VAC14: variants seen among roughly 807,000 people sequenced by gnomAD.
VAC14 encodes the protein protein VAC14 homolog.
In VAC14, 47 loss-of-function variants were observed where a neutral mutation model predicts 85.3. That is an observed-to-expected ratio of 0.55 (90% CI 0.44 to 0.70). The LOEUF (loss-of-function observed/expected upper bound fraction) is 0.70, where lower values mean the gene tolerates loss of function less well. VAC14 is among the 30% of genes least tolerant of loss of function. The pLI, the probability that VAC14 is intolerant of heterozygous loss-of-function variation, is 0.00. For missense variants in VAC14, 861 were observed against 1,004.3 expected (o/e 0.86, Z 1.93); for synonymous variants, 447 against 430.5 (o/e 1.04, Z -0.47).
intron 10 of VAC14, chr16:70,766,315 C>T (rs998678092): frequency 2.7e-6 from 1 of 365,004 alleles, no homozygotes; most frequent in Non-Finnish European, 5.5e-6. Context: ...TAAGATGCTG[C>T]TGGCCAGCCT....
At chr16:70,723,820 G>T (rs2054354751) in intron 14 of VAC14, among the ~76,000 whole-genome samples, 2 of 152,240 alleles carry the variant, frequency 1.3e-5, no homozygotes, top group South Asian at 4.1e-4. Context: ...AACCTGATGA[G>T]GGGTCTGACC....
chr16:70,737,893 G>A (rs933857986), intron 13 of VAC14, among the ~76,000 whole-genome samples: 1 of 152,258 alleles, frequency 6.6e-6, no homozygotes, highest in South Asian at 2.1e-4. Flanking sequence ...AGGCCCAGCA[G>A]GGTCCCTGCT....
chr16:70,769,743 A>G (rs974524564), intron 10 of VAC14: 1 of 152,282 alleles, frequency 6.6e-6, no homozygotes, highest in Non-Finnish European at 1.5e-5. Flanking sequence ...AGCCGACAGT[A>G]GCACAGTCTC....
At chr16:70,717,926 T>C (rs2054202215) in intron 14 of VAC14, among the ~76,000 whole-genome samples, 1 of 152,246 alleles carries the variant, frequency 6.6e-6, no homozygotes, top group Admixed American at 6.5e-5. Flanking sequence ...AGTGTGGGAT[T>C]ACTGGCATGA....
intron 14 of VAC14, among the ~76,000 whole-genome samples, chr16:70,711,434 G>T (rs2054032481): frequency 6.6e-6 from 1 of 152,044 alleles, no homozygotes; most frequent in Non-Finnish European, 1.5e-5. Context: ...CCTGTGCAGA[G>T]TCTGGGTCCT....
intron 14 of VAC14, among the ~76,000 whole-genome samples, chr16:70,704,563 G>C (rs1457649257): frequency 9.2e-5 from 14 of 152,234 alleles, no homozygotes; most frequent in Admixed American, 9.2e-4. Flanking sequence ...GGTGCAGCTG[G>C]CTGTGGCCAG....
chr16:70,702,273 G>A (rs1246000949), intron 14 of VAC14, among the ~76,000 whole-genome samples: 1 of 151,992 alleles, frequency 6.6e-6, no homozygotes, highest in Non-Finnish European at 1.5e-5. Context: ...CTTGCTGGCC[G>A]AAGAGGCCTG....
At chr16:70,727,542 G>T (rs780067374) in intron 14 of VAC14, among the ~76,000 whole-genome samples, 1 of 152,194 alleles carries the variant, frequency 6.6e-6, no homozygotes, top group Non-Finnish European at 1.5e-5. Flanking sequence ...GTTTCGCTAT[G>T]TTGGCCAGGC....
At chr16:70,741,914 T>C (rs2030353781) in intron 13 of VAC14, among the ~76,000 whole-genome samples, 1 of 152,150 alleles carries the variant, frequency 6.6e-6, no homozygotes, top group Non-Finnish European at 1.5e-5. Flanking sequence ...GCAAAGGGCT[T>C]GATGCTGCAG....
intron 13 of VAC14, among the ~76,000 whole-genome samples, chr16:70,735,885 T>C: frequency 6.6e-6 from 1 of 152,256 alleles, no homozygotes; most frequent in East Asian, 1.9e-4. Flanking sequence ...GTTTGCAGAA[T>C]CAAGTGTCAC....
At chr16:70,696,780 G>A in intron 16 of VAC14, 1 of 286,022 alleles carries the variant, frequency 3.5e-6, no homozygotes, top group South Asian at 3.6e-5. Context: ...ATGAGCAGAG[G>A]GCAGCCACCT....
chr16:70,777,885 A>C (rs2033602411), intron 9 of VAC14, among the ~76,000 whole-genome samples: 1 of 152,150 alleles, frequency 6.6e-6, no homozygotes, highest in Admixed American at 6.5e-5. Flanking sequence ...TGAGCAGGAG[A>C]GGCTGTGATG....
At chr16:70,753,896 G>T (rs1201919096) in intron 12 of VAC14, among the ~76,000 whole-genome samples, 1 of 152,134 alleles carries the variant, frequency 6.6e-6, no homozygotes, top group South Asian at 2.1e-4. Context: ...TCAGGGAAAG[G>T]CTGGCTGGGC....
At position 70,777,293 on chromosome 16, in the gene VAC14, G is replaced by A. The variant is rs1843870603; in HGVS notation, c.1096+3497C>T. ...TGAAGCACCCGTTAGTGTTTGTCAT[G>A]TGCTAAGCGATTTACATGCAAAAAT... On this transcript the variant is annotated intron_variant, in intron 9 of 18. Coordinates refer to ENST00000261776, the MANE Select transcript of VAC14 (RefSeq NM_018052.5). Among the ~76,000 whole-genome samples, 3 of 152,214 alleles carry A rather than the reference G, an allele frequency of 2.0e-5. No homozygotes were observed. The South Asian group carries it at 6.2e-4, about 32-fold the overall frequency.
chr16:70,774,055 G>T (rs1408921387), intron 9 of VAC14, among the ~76,000 whole-genome samples: 1 of 151,938 alleles, frequency 6.6e-6, no homozygotes, highest in Non-Finnish European at 1.5e-5. Context: ...GATTACAGGC[G>T]TGAGCCACCA....
chr16:70,800,287 A>G (rs2034721269), intron 1 of VAC14, among the ~76,000 whole-genome samples: 1 of 152,284 alleles, frequency 6.6e-6, no homozygotes, highest in Non-Finnish European at 1.5e-5. Context: ...GAAGGGTGTT[A>G]TAACACAGAT....
At chr16:70,694,391 G>A (rs1378814894) in intron 17 of VAC14, among the ~76,000 whole-genome samples, 1 of 152,204 alleles carries the variant, frequency 6.6e-6, no homozygotes, top group Non-Finnish European at 1.5e-5. Flanking sequence ...GCACACCTGG[G>A]ACAGGCTTTA....
intron 12 of VAC14, among the ~76,000 whole-genome samples, chr16:70,759,857 G>A (rs1461353657): frequency 1.3e-5 from 2 of 152,164 alleles, no homozygotes; most frequent in Non-Finnish European, 2.9e-5. Flanking sequence ...AAGCGATTAA[G>A]GGCCCAGGCT....
intron 14 of VAC14, among the ~76,000 whole-genome samples, chr16:70,708,822 A>C (rs958516011): frequency 1.3e-5 from 2 of 152,212 alleles, no homozygotes; most frequent in Non-Finnish European, 2.9e-5. Context: ...GAGGAGGGGC[A>C]AGAGTGCGGC....
Sources: allele counts gnomAD v4.1 joint callset (sites outside exome capture counted in the v4.1 genomes callset), GRCh38; gene constraint gnomAD v4.1.1; transcripts MANE v1.5; gene names NCBI Gene and HGNC (gene_info 2026-07-23, HGNC 2026-07-21).